Variants in PEX14 observed in about 807,000 individuals in gnomAD.
The protein encoded by PEX14 is peroxisomal membrane protein PEX14.
Under a neutral mutation model 49.5 loss-of-function variants are expected in PEX14, and 15 were observed. That is an observed-to-expected ratio of 0.30 (90% CI 0.20 to 0.47). The LOEUF is 0.47. PEX14 is among the 20% of genes least tolerant of loss of function. The probability of loss-of-function intolerance (pLI) is 1.00; values close to 1 mark genes in which losing one functional copy is unlikely to be tolerated. For missense variants in PEX14, 398 were observed against 494.8 expected, an observed-to-expected ratio of 0.80 and a Z score of 1.86; for synonymous variants, 210 against 212.7, an observed-to-expected ratio of 0.99 and a Z score of 0.11.
rs1570376262 is a variant in PEX14 at position 10,629,347 on chromosome 1, T to G, written c.678-184T>G. 6.6e-6 allele frequency among the ~76,000 whole-genome samples: 1 copy of G among 152,152 alleles called. No homozygotes were observed. Among genetic ancestry groups the G allele is most frequent in the African/African-American group, 2.4e-5 (1 of 41,444 alleles). On this transcript the variant is annotated intron_variant, in intron 8 of 8. Transcript: ENST00000356607. This position sits in a 1 kb window ranked among gnomAD's most constrained non-coding sequence, Gnocchi z 8.5. ...GGGCACAGGACCCGCTTGGCATCTATCTCAGCTGTAGGATCTTTGCTCCTG... is the reference window on the plus strand; with the variant it reads ...GGGCACAGGACCCGCTTGGCATCTAGCTCAGCTGTAGGATCTTTGCTCCTG...
intron 3 of PEX14, among the ~76,000 whole-genome samples, chr1:10,572,339 C>T (rs1464759151): frequency 6.6e-6 from 1 of 152,092 alleles, no homozygotes. Context: ...AAGAAAAATG[C>T]AGGAGGATGT....
At chr1:10,620,911 GA>G (rs1373397925) in intron 5 of PEX14, among the ~76,000 whole-genome samples, 2 of 152,214 alleles carry the variant, frequency 1.3e-5, no homozygotes, top group Admixed American at 1.3e-4. Context: ...GCACCAAGAA[GA>G]ATGTGACACG....
chr1:10,492,582 A>G (rs1301186571), intron 1 of PEX14, among the ~76,000 whole-genome samples: 1 of 152,210 alleles, frequency 6.6e-6, no homozygotes, highest in African/African-American at 2.4e-5. Context: ...GTGAGAATTA[A>G]AGGAGGAAAG....
rs531729105 is a variant in PEX14, at chr1:10,618,323, C to T, written c.299-9C>T. The T allele has an allele frequency of 2.9e-5, 46 of 1,612,628 alleles. No homozygotes were observed. Among genetic ancestry groups the T allele is most frequent in the African/African-American group, 1.3e-4 (10 of 75,038 alleles). Reference sequence around the variant, plus strand: ...CGTCTTCTAACCCTCCTCCTCTTCCCGCCTGTAGGTCCCGCAGGCTCCCGA... The same window carrying T: ...CGTCTTCTAACCCTCCTCCTCTTCCTGCCTGTAGGTCCCGCAGGCTCCCGA... On this transcript the variant is annotated splice_polypyrimidine_tract_variant and intron_variant, in intron 4 of 8. Transcript: ENST00000356607.
intron 4 of PEX14, among the ~76,000 whole-genome samples, chr1:10,605,204 T>C (rs995421091): frequency 2.0e-5 from 3 of 152,142 alleles, no homozygotes; most frequent in African/African-American, 7.2e-5. Flanking sequence ...TGCTTGAGAA[T>C]GGAAGGGCTA....
chr1:10,587,995 C>T (rs960251089), intron 3 of PEX14, among the ~76,000 whole-genome samples: 7 of 142,758 alleles, frequency 4.9e-5, no homozygotes, highest in South Asian at 2.3e-4. Flanking sequence ...GGAGGCCGAG[C>T]GAGTAGATCA....
intron 1 of PEX14, among the ~76,000 whole-genome samples, chr1:10,481,767 G>C (rs11121579): frequency 0.41 from 61,543 of 150,502 alleles, 13,968 homozygotes; most frequent in Non-Finnish European, 0.51. Context: ...TATTATCACT[G>C]CTTTATACAG....
chr1:10,484,753 T>A (rs1436044266), intron 1 of PEX14, among the ~76,000 whole-genome samples: 1 of 151,604 alleles, frequency 6.6e-6, no homozygotes, highest in Non-Finnish European at 1.5e-5. Context: ...TCCTAGCTTG[T>A]GTGGTTGTTG....
chr1:10,520,662 G>A (rs953018009), intron 2 of PEX14, among the ~76,000 whole-genome samples: 6 of 152,178 alleles, frequency 3.9e-5, no homozygotes, highest in African/African-American at 1.4e-4. Flanking sequence ...CAAGCTGAAA[G>A]CATCCAGACA....
intron 3 of PEX14, 121 bp from the exon 4 acceptor site, chr1:10,599,117 G>C (rs1640908480): frequency 1.7e-5 from 17 of 993,658 alleles, no homozygotes; most frequent in Non-Finnish European, 2.6e-5. Flanking sequence ...AATCGGGGAG[G>C]CAACTTACTA....
rs191708317 is a variant in PEX14 at position 10,514,540 on chromosome 1, C to G, written c.84+19219C>G. Among the ~76,000 whole-genome samples the G allele has an allele frequency of 1.3e-5, 2 of 152,118 alleles. No homozygotes were observed. ...TCCACGTTCACACAGGAACTTTGGG[C>G]CTAAGACGCAACTCAAGGGAAAGCC... is the stretch of plus-strand genomic sequence containing the variant. On this transcript the variant is annotated intron_variant, in intron 2 of 8. Coordinates refer to ENST00000356607, the MANE Select transcript of PEX14 (RefSeq NM_004565.3). This position sits in a 1 kb window ranked among gnomAD's most constrained non-coding sequence, Gnocchi z 4.4.
rs146727191 is a variant in PEX14, at chr1:10,484,799, G to A, written c.36+9797G>A. Among the ~76,000 whole-genome samples the A allele has an allele frequency of 5.5e-4, 83 of 151,788 alleles. 5 individuals are homozygous for A. Among genetic ancestry groups the A allele is most frequent in the African/African-American group, 1.9e-3 (80 of 41,104 alleles). ...GTTCCTTATGGACCATGAGACTGGA[G>A]ACTTTAGTGTGTTACTGTCAGCCAG... is the stretch of plus-strand genomic sequence containing the variant. On this transcript the variant is annotated intron_variant, in intron 1 of 8. Transcript: ENST00000356607.
intron 3 of PEX14, among the ~76,000 whole-genome samples, chr1:10,576,946 T>C (rs976368326): frequency 6.6e-6 from 1 of 151,954 alleles, no homozygotes; most frequent in South Asian, 2.1e-4. Flanking sequence ...AGAGGGGGTT[T>C]CACCAGGCTG....
At position 10,597,029 on chromosome 1, in the gene PEX14, C is replaced by T. The variant is rs1369137795; in HGVS notation, c.170-2209C>T. 1.3e-5 allele frequency among the ~76,000 whole-genome samples: 2 copies of T among 152,238 alleles called. No homozygotes were observed. Among genetic ancestry groups the T allele is most frequent in the African/African-American group, 4.8e-5 (2 of 41,460 alleles). ...AGCTCAGGGCCAGAGGGCAGAACTG[C>T]GGGCAGGGCGTCCTGTCCCTTTAAC... is the stretch of plus-strand genomic sequence containing the variant. On this transcript the variant is annotated intron_variant, in intron 3 of 8. Coordinates refer to ENST00000356607, the MANE Select transcript of PEX14 (RefSeq NM_004565.3). The surrounding 1 kb of genome is among the most constrained non-coding windows in gnomAD (Gnocchi z 5.7).
intron 2 of PEX14, among the ~76,000 whole-genome samples, chr1:10,528,042 TTTTTGGTCCAGAGCTTATC>T (rs748375343): frequency 1.3e-5 from 2 of 152,170 alleles, no homozygotes; most frequent in African/African-American, 2.4e-5. Flanking sequence ...TACACATAAT[TTTTTGGTCCAGAGCTTATC>T]TTCCTTGGAA....
chr1:10,511,281 A>G (rs942214956), intron 2 of PEX14, among the ~76,000 whole-genome samples: 6 of 151,222 alleles, frequency 4.0e-5, no homozygotes, highest in Non-Finnish European at 5.9e-5. Flanking sequence ...TTATATTTCT[A>G]TTTTCTCCTT....
At position 10,537,185 on chromosome 1, in the gene PEX14, C is replaced by T. The variant is rs193218705; in HGVS notation, c.169+888C>T. ...AGCATGAACCATTGGTCCCTTCATG[C>T]GATCATGTCCCGGGGCTGCACTAAC... On this transcript the variant is annotated intron_variant, in intron 3 of 8. Coordinates refer to ENST00000356607, the MANE Select transcript of PEX14 (RefSeq NM_004565.3). Among the ~76,000 whole-genome samples, 28 of 152,174 alleles carry T rather than the reference C, an allele frequency of 1.8e-4. No homozygotes were observed. In the East Asian group the frequency reaches 3.9e-3, roughly 21 times the overall value.
chr1:10,595,217 G>T (rs1640802495), intron 3 of PEX14, among the ~76,000 whole-genome samples: 1 of 152,160 alleles, frequency 6.6e-6, no homozygotes, highest in Non-Finnish European at 1.5e-5. Context: ...AGTTTGGTTT[G>T]AATTGAGAGC....
At chr1:10,545,142 C>T (rs1326799298) in intron 3 of PEX14, among the ~76,000 whole-genome samples, 3 of 152,110 alleles carry the variant, frequency 2.0e-5, no homozygotes, top group Non-Finnish European at 4.4e-5. Context: ...TTCCACTCAG[C>T]ATAATTACTT....
Sources: gnomAD v4.1 joint callset for allele counts (sites outside exome capture counted in the v4.1 genomes callset) on GRCh38, gnomAD v4.1.1 for gene constraint, Gnocchi (gnomAD v3.1) non-coding constraint, MANE v1.5 for transcripts, NCBI Gene and HGNC (gene_info 2026-07-23, HGNC 2026-07-21) for gene names.